Variants in MAU2 observed in about 807,000 individuals in gnomAD.
MAU2 encodes MAU2 sister chromatid cohesion factor.
Under a neutral mutation model 89.1 loss-of-function variants are expected in MAU2, and 9 were observed. The observed-to-expected ratio is 0.10, with a 90% CI of 0.06 to 0.18. The LOEUF is 0.18. Ranked by LOEUF, MAU2 falls within the 10% of genes least tolerant of loss-of-function variation. The pLI is 1.00. For missense variants in MAU2, 425 were observed against 803.5 expected (o/e 0.53, Z 5.69); for synonymous variants, 357 against 343.4 (o/e 1.04, Z -0.44).
At chr19:19,341,219 C>T (rs766262645) in intron 6 of MAU2, 33 bp from the exon 7 acceptor site, 1 of 1,601,216 alleles carries the variant, frequency 6.2e-7, no homozygotes, top group East Asian at 2.2e-5. Flanking sequence ...CCTGCAAGCC[C>T]TGTACCCTAC....
In MAU2 at chr19:19,356,085, G is replaced by A; in HGVS notation, c.*303G>A. 1 of 558,104 alleles carries A rather than the reference G, an allele frequency of 1.8e-6. No homozygotes were observed. 34.6% of individuals were successfully genotyped at this position (558,104 alleles called of 1,614,324 possible). Reference sequence around the variant, plus strand: ...AGCATCTGGGTCACGTCGGCCAGGAGTAGGGTGCAGGCCTCCAGCAGGTCC... The same window carrying A: ...AGCATCTGGGTCACGTCGGCCAGGAATAGGGTGCAGGCCTCCAGCAGGTCC... On this transcript the variant is annotated 3_prime_UTR_variant, in exon 19 of 19. Coordinates refer to ENST00000262815, the MANE Select transcript of MAU2 (RefSeq NM_015329.4).
chr19:19,354,633 T>G, intron 17 of MAU2, 188 bp downstream of exon 17: 6 of 611,174 alleles, frequency 9.8e-6, no homozygotes, highest in Non-Finnish European at 1.8e-5. Context: ...ATTTGTGGCA[T>G]CCGCTTGACT....
At chr19:19,337,121 C>G (rs1568656462) in intron 3 of MAU2, 49 bp from the exon 4 acceptor site, 3 of 1,187,218 alleles carry the variant, frequency 2.5e-6, no homozygotes, top group Non-Finnish European at 3.5e-6. Context: ...TGATTGCCGC[C>G]TTGTTTTTTT....
intron 3 of MAU2, 34 bp from the exon 4 acceptor site, chr19:19,337,136 T>TC (rs770469244): frequency 4.6e-6 from 7 of 1,531,502 alleles, no homozygotes; most frequent in Non-Finnish European, 4.5e-6. Context: ...TTTTTTTTTT[T>TC]CTTACATTCC....
intron 1 of MAU2, among the ~76,000 whole-genome samples, chr19:19,327,469 G>A (rs1170737377): frequency 1.3e-5 from 2 of 152,066 alleles, no homozygotes; most frequent in African/African-American, 4.8e-5. Context: ...GGAACTACAG[G>A]CGCCTGCCAC....
chr19:19,329,084 G>A (rs1010213050), intron 1 of MAU2: 1 of 456,010 alleles, frequency 2.2e-6, no homozygotes, highest in South Asian at 1.5e-5. Flanking sequence ...CACTTTCTCA[G>A]CAAGTGATTA....
At chr19:19,325,543 G>C (rs187428892) in intron 1 of MAU2, among the ~76,000 whole-genome samples, 1 of 150,346 alleles carries the variant, frequency 6.7e-6, no homozygotes, top group Non-Finnish European at 1.5e-5. Flanking sequence ...GCAGTGGTGC[G>C]ATTTCAGCTC....
At chr19:19,343,801 C>T (rs1188700849) in intron 9 of MAU2, 36 bp from the exon 10 acceptor site, 9 of 1,537,948 alleles carry the variant, frequency 5.9e-6, no homozygotes, top group South Asian at 5.6e-5. Context: ...CTCCTCTGGC[C>T]TCCCCTGCAT....
intron 10 of MAU2, chr19:19,344,538 T>C (rs2061678709): frequency 2.2e-6 from 1 of 452,568 alleles, no homozygotes. Context: ...ACCCTGCCAT[T>C]AGGAACACTC....
intron 1 of MAU2, among the ~76,000 whole-genome samples, chr19:19,329,314 CTCACTCTTGAG>C (rs1293558577): frequency 1.3e-5 from 2 of 152,180 alleles, no homozygotes; most frequent in African/African-American, 2.4e-5. Context: ...TTCCTTCCCT[CTCACTCTTGAG>C]TCACCTCTGA....
chr19:19,356,138 C>A lies in MAU2; in HGVS notation c.*356C>A. 1 of 465,348 alleles carries A rather than the reference C, an allele frequency of 2.1e-6. No homozygotes were observed. 28.8% of individuals were successfully genotyped at this position (465,348 alleles called of 1,614,324 possible). On this transcript the variant is annotated 3_prime_UTR_variant, in exon 19 of 19. Coordinates refer to ENST00000262815, the MANE Select transcript of MAU2 (RefSeq NM_015329.4). The stretch of plus-strand genomic sequence containing the variant: ...ATCCTGTGTGCCAGGGCAGGCAGTG[C>A]CCCAGGGGCACCACGCCTGACTCTC...
At chr19:19,334,125 C>T (rs2061577729) in intron 1 of MAU2, 1 of 978,170 alleles carries the variant, frequency 1.0e-6, no homozygotes, top group Non-Finnish European at 1.2e-6. Context: ...AAGCCCCCAA[C>T]TTCTGCTCTT....
At chr19:19,326,716 A>ACACG (rs1380736275) in intron 1 of MAU2, among the ~76,000 whole-genome samples, 4 of 118,472 alleles carry the variant, frequency 3.4e-5, no homozygotes, top group Non-Finnish European at 7.0e-5. Context: ...ATATATATAT[A>ACACG]TATACATATA....
At chr19:19,325,271 G>C (rs1056444224) in intron 1 of MAU2, among the ~76,000 whole-genome samples, 1 of 152,162 alleles carries the variant, frequency 6.6e-6, no homozygotes, top group Non-Finnish European at 1.5e-5. Context: ...TGCCTCCCGG[G>C]TTCAAGCGAG....
At chr19:19,344,060 C>A (rs1029435199) in intron 10 of MAU2, 120 bp downstream of exon 10, 4 of 785,106 alleles carry the variant, frequency 5.1e-6, no homozygotes, top group Admixed American at 4.2e-5. Flanking sequence ...TGCTGTCTCG[C>A]TGTCGGCCAG....
At chr19:19,330,260 G>T (rs960395980) in intron 1 of MAU2, among the ~76,000 whole-genome samples, 2 of 151,626 alleles carry the variant, frequency 1.3e-5, no homozygotes, top group African/African-American at 4.8e-5. Context: ...GATTACAGGC[G>T]TGAGCCATTG....
At chr19:19,340,048 C>A (rs985987935) in intron 5 of MAU2, among the ~76,000 whole-genome samples, 1 of 151,898 alleles carries the variant, frequency 6.6e-6, no homozygotes, top group African/African-American at 2.4e-5. Flanking sequence ...GCCTGTAGTC[C>A]CAGCTACTCA....
chr19:19,331,419 G>A lies in MAU2; in HGVS notation c.277-4299G>A, dbSNP rs374757064. On this transcript the variant is annotated intron_variant, in intron 1 of 18. Coordinates refer to ENST00000262815, the MANE Select transcript of MAU2 (RefSeq NM_015329.4). ...CAGGAGGCTGAGGCAGGAGAATGGC[G>A]TGAACCTGGGAGGTGGAGCTTGCAG... Among the ~76,000 whole-genome samples the A allele has an allele frequency of 3.3e-3, 499 of 151,722 alleles. 4 individuals are homozygous for A. The highest frequency in any genetic ancestry group is 0.011 in the African/African-American group (451 of 41,356).
chr19:19,325,593 C>T (rs2061497378), intron 1 of MAU2, among the ~76,000 whole-genome samples: 1 of 152,182 alleles, frequency 6.6e-6, no homozygotes, highest in Non-Finnish European at 1.5e-5. Context: ...GATTCTCCTA[C>T]CACAACCTCC....
Sources: gnomAD v4.1 joint callset for allele counts (sites outside exome capture counted in the v4.1 genomes callset) on GRCh38, gnomAD v4.1.1 for gene constraint, MANE v1.5 for transcripts, NCBI Gene and HGNC (gene_info 2026-07-23, HGNC 2026-07-21) for gene names.